MPV17L2: variants seen among roughly 807,000 people sequenced by gnomAD.
The protein encoded by MPV17L2 is mpv17-like protein 2.
In MPV17L2, 25 loss-of-function variants were observed where a neutral mutation model predicts 24.2. That is an observed-to-expected ratio of 1.03 (90% CI 0.75 to 1.44). The LOEUF is 1.44. MPV17L2 is among the 40% of genes most tolerant of loss of function. The pLI is 0.00. For missense variants in MPV17L2, 271 were observed against 276.2 expected (o/e 0.98, Z 0.13); for synonymous variants, 130 against 121.4 (o/e 1.07, Z -0.46).
Position 18,195,017 on chromosome 19 carries a change from A to C in MPV17L2, c.495A>C (p.Gln165His). 1 of 1,613,668 alleles carries C rather than the reference A, an allele frequency of 6.2e-7. No homozygotes were observed. Among genetic ancestry groups the C allele is most frequent in the East Asian group, 2.2e-5 (1 of 44,856 alleles). The change falls in exon 4 of 5, where the codon CAA becomes CAC. Residue 165 changes from glutamine to histidine, a missense_variant. By Grantham distance (24) the Gln-to-His change is conservative. Transcript: ENST00000599612. ...TGAACTTCCTCTTCGTGCCCCCCCA[A>C]TTTCGAGTCACCTACATCAACGGCC... ...QFVNFLFVPPQFRVTYINGLT... is the reference protein window; with the variant it reads ...QFVNFLFVPPHFRVTYINGLT...
At position 18,194,999 on chromosome 19, in the gene MPV17L2, C is replaced by A. The variant is rs1448968553; in HGVS notation, c.477C>A (p.Phe159Leu). The A allele has an allele frequency of 6.2e-7, 1 of 1,612,960 alleles. No homozygotes were observed. Among genetic ancestry groups the A allele is most frequent in the African/African-American group, 1.3e-5 (1 of 74,914 alleles). The part of the protein sequence containing the change: ...CVWPAAQFVN[F>L]LFVPPQFRVT... ...GGCCTGCTGCGCAGTTCGTGAACTT[C>A]CTCTTCGTGCCCCCCCAATTTCGAG... Residue 159 changes from phenylalanine to leucine, a missense_variant, in exon 4 of 5, where the codon TTC (phenylalanine) becomes TTA (leucine). Physicochemically the swap from Phe to Leu is conservative, Grantham distance 22. Transcript: ENST00000599612.
At chr19:18,194,896 GA>G in intron 3 of MPV17L2, 43 bp downstream of exon 3, 1 of 1,588,866 alleles carries the variant, frequency 6.3e-7, no homozygotes. Context: ...CCCGCCCCCT[GA>G]TGGCCGCTCC....
intron 4 of MPV17L2, among the ~76,000 whole-genome samples, chr19:18,195,736 C>G (rs944726386): frequency 3.3e-5 from 5 of 152,122 alleles, no homozygotes; most frequent in Non-Finnish European, 7.4e-5. Context: ...ACTCCGGAAG[C>G]TGAGACCGGA....
Position 18,196,408 on chromosome 19 carries a change from A to C in MPV17L2, c.*353A>C. 2 of 1,314,786 alleles carry C rather than the reference A, an allele frequency of 1.5e-6. No homozygotes were observed. Among genetic ancestry groups the C allele is most frequent in the East Asian group, 4.9e-5 (1 of 20,356 alleles). The allele number at this position is 1,314,786 out of a possible 1,614,324, so 81.4% of individuals were successfully genotyped here. ...CACCTGGCTCTGGGCCAAGCCACCAATCCAGAGCTCCCTCAGGTCCTGGGA... is the reference window on the plus strand; with the variant it reads ...CACCTGGCTCTGGGCCAAGCCACCACTCCAGAGCTCCCTCAGGTCCTGGGA... On this transcript the variant is annotated 3_prime_UTR_variant, in exon 5 of 5. Coordinates refer to ENST00000599612, the MANE Select transcript of MPV17L2 (RefSeq NM_032683.3).
Position 18,196,047 on chromosome 19 carries a change from G to C in MPV17L2, c.613G>C (p.Ala205Pro), listed in dbSNP as rs1331572283. 1.2e-6 allele frequency: 2 copies of C among 1,614,002 alleles called. No individual in the cohort carries two copies. Among genetic ancestry groups the C allele is most frequent in the Non-Finnish European group, 1.7e-6 (2 of 1,179,992 alleles). ...PPGCVALDTRAD is the reference protein window; with the variant it reads ...PPGCVALDTRPD ...AGGCTGTGTGGCCCTGGACACCCGAGCAGACTGAACTGTCTGCTTCCTGGA... is the reference window on the plus strand; with the variant it reads ...AGGCTGTGTGGCCCTGGACACCCGACCAGACTGAACTGTCTGCTTCCTGGA... The change falls in exon 5 of 5, where the codon GCA becomes CCA. Residue 205 changes from alanine to proline, a missense_variant. Physicochemically the swap from Ala to Pro is conservative, Grantham distance 27. Coordinates refer to ENST00000599612, the MANE Select transcript of MPV17L2 (RefSeq NM_032683.3).
chr19:18,193,755 G>T, intron 1 of MPV17L2, 109 bp from the exon 2 acceptor site: 7 of 1,519,654 alleles, frequency 4.6e-6, no homozygotes, highest in Non-Finnish European at 6.2e-6. Context: ...GTGAGGCTGA[G>T]GCTCCGGGAT....
At position 18,196,459 on chromosome 19, in the gene MPV17L2, C is replaced by T; in HGVS notation, c.*404C>T. The T allele has an allele frequency of 7.7e-7, 1 of 1,295,470 alleles. No individual in the cohort carries two copies. The highest frequency in any genetic ancestry group is 1.0e-6 in the Non-Finnish European group (1 of 992,636). 80.2% of individuals were successfully genotyped at this position (1,295,470 alleles called of 1,614,324 possible). On this transcript the variant is annotated 3_prime_UTR_variant, in exon 5 of 5. Coordinates refer to ENST00000599612, the MANE Select transcript of MPV17L2 (RefSeq NM_032683.3). ...CTAAGGCGGGGACATGACTGATCCCCTCAGAGCAGGCTCAGGCCTGGAGTC... is the reference window on the plus strand; with the variant it reads ...CTAAGGCGGGGACATGACTGATCCCTTCAGAGCAGGCTCAGGCCTGGAGTC...
intron 4 of MPV17L2, among the ~76,000 whole-genome samples, chr19:18,195,576 G>A (rs1967501337): frequency 6.6e-6 from 1 of 151,418 alleles, no homozygotes; most frequent in African/African-American, 2.4e-5. Flanking sequence ...GCTCACGCCT[G>A]TAATCCCAGC....
In MPV17L2 at chr19:18,193,343, AG is replaced by A; in HGVS notation, c.65del (p.Gly22AlafsTer87). ...RLLSAGQLLF[Q>X]GRALLVTNTL... is the part of the protein sequence containing the mutation. ...TTATCCGCGGGGCAGCTTCTATTCC[AG>A]GGCCGCGCGCTGCTCGTCACTAACA... On this transcript the variant is annotated frameshift_variant, in exon 1 of 5. Coordinates refer to ENST00000599612, the MANE Select transcript of MPV17L2 (RefSeq NM_032683.3). LOFTEE classifies it high-confidence loss of function. 1 of 1,563,940 alleles carries A rather than the reference AG, an allele frequency of 6.4e-7. No individual in the cohort carries two copies. Among genetic ancestry groups the A allele is most frequent in the Non-Finnish European group, 8.6e-7 (1 of 1,160,570 alleles).
intron 2 of MPV17L2, among the ~76,000 whole-genome samples, 182 bp from the exon 3 acceptor site, chr19:18,194,595 G>T (rs556765638): frequency 7.9e-4 from 120 of 152,186 alleles, no homozygotes; most frequent in African/African-American, 2.7e-3. Context: ...GCTCTGTTTT[G>T]TCTCTACACC....
In MPV17L2 at chr19:18,195,115, A is replaced by AG. The variant is rs1323911122; in HGVS notation, c.564+33dup. 13 of 1,609,544 alleles carry AG rather than the reference A, an allele frequency of 8.1e-6. No individual in the cohort carries two copies. In the Admixed American group the frequency reaches 1.2e-4, roughly 15 times the overall value. On this transcript the variant is annotated intron_variant, in intron 4 of 4. Coordinates refer to ENST00000599612, the MANE Select transcript of MPV17L2 (RefSeq NM_032683.3). ...AGTGTGGAGGGCATACCAGGCACCC[A>AG]GGGGACTCCCCAGGGGGCTACACGT...
At chr19:18,195,303 T>G (rs983220094) in intron 4 of MPV17L2, among the ~76,000 whole-genome samples, 1 of 152,070 alleles carries the variant, frequency 6.6e-6, no homozygotes, top group African/African-American at 2.4e-5. Context: ...CCCAGCACTT[T>G]GGGAGGCCGA....
rs779548966 is a variant in MPV17L2, at chr19:18,196,124, T to C, written c.*69T>C. 30 of 1,611,430 alleles carry C rather than the reference T, an allele frequency of 1.9e-5. No individual in the cohort carries two copies. Among genetic ancestry groups the C allele is most frequent in the Non-Finnish European group, 2.5e-5 (30 of 1,179,454 alleles). On this transcript the variant is annotated 3_prime_UTR_variant, in exon 5 of 5. Coordinates refer to ENST00000599612, the MANE Select transcript of MPV17L2 (RefSeq NM_032683.3). The stretch of plus-strand genomic sequence containing the variant: ...ACCACCCCCTCTGACAGAAGGGGAA[T>C]GGGCTCCTGCAGCAAGCTCGGGTCT...
Position 18,196,613 on chromosome 19 carries a change from C to G in MPV17L2, c.*558C>G, listed in dbSNP as rs910238738. ...TGCTGGCTGGGCGCAGTGGCTCCCA[C>G]CTGTAATCTCAGCCCTTCCCGAGGC... On this transcript the variant is annotated 3_prime_UTR_variant, in exon 5 of 5. Transcript: ENST00000599612. The G allele has an allele frequency of 1.2e-5, 5 of 420,378 alleles. No homozygotes were observed. Among genetic ancestry groups the G allele is most frequent in the Non-Finnish European group, 2.1e-5 (5 of 239,134 alleles). The allele number at this position is 420,378 out of a possible 1,614,324, so 26.0% of individuals were successfully genotyped here. A position where few individuals can be genotyped will look rare whatever the true frequency, so the allele number is the denominator to read the frequency against.
rs2147975376 is a variant in MPV17L2 at position 18,193,271 on chromosome 19, T to C, written c.-11T>C. ...CAGAGCGGCGCGCCGGTTCCTTGGT[T>C]CCTGAGGGCGATGGCGCGGGGTGGC... On this transcript the variant is annotated 5_prime_UTR_variant, in exon 1 of 5. Coordinates refer to ENST00000599612, the MANE Select transcript of MPV17L2 (RefSeq NM_032683.3). The C allele has an allele frequency of 1.3e-6, 2 of 1,508,272 alleles. No homozygotes were observed. Among genetic ancestry groups the C allele is most frequent in the African/African-American group, 1.4e-5 (1 of 69,354 alleles). 93.4% of individuals were successfully genotyped at this position (1,508,272 alleles called of 1,614,324 possible).
chr19:18,194,003 C>G lies in MPV17L2; in HGVS notation c.327C>G (p.Ala109=). The G allele has an allele frequency of 1.9e-6, 3 of 1,614,208 alleles. No homozygotes were observed. The highest frequency in any genetic ancestry group is 2.5e-6 in the Non-Finnish European group (3 of 1,180,028). The change falls in exon 2 of 5, where the codon GCC becomes GCG. Residue 109 remains alanine (A), a synonymous_variant. Coordinates refer to ENST00000599612, the MANE Select transcript of MPV17L2 (RefSeq NM_032683.3). ...AGGTCCTCGTGGATCAGCTGGTAGC[C>G]TCTCCATTGCTGGGCGTCTGGTACT... The part of the protein sequence containing the change: ...LKKVLVDQLV[A]SPLLGVWYFL...
rs1414460109 is a variant in MPV17L2 at position 18,194,985 on chromosome 19, C to A, written c.463C>A (p.Gln155Lys). The A allele has an allele frequency of 6.2e-7, 1 of 1,613,900 alleles. No homozygotes were observed. The highest frequency in any genetic ancestry group is 1.7e-5 in the Admixed American group (1 of 60,010). The change falls in exon 4 of 5, where the codon CAG (glutamine) becomes AAG (lysine). Residue 155 changes from glutamine to lysine, a missense_variant. Transcript: ENST00000599612. ...KADWCVWPAAQFVNFLFVPPQ... is the reference protein window; with the variant it reads ...KADWCVWPAAKFVNFLFVPPQ... ...AGACTGGTGCGTGTGGCCTGCTGCG[C>A]AGTTCGTGAACTTCCTCTTCGTGCC...
chr19:18,196,187 T>G lies in MPV17L2; in HGVS notation c.*132T>G. ...CAGCACCACTTCAGCTCCGGAGCAT[T>G]GGGCTGAGCCGCCCTTTCCAAGCTC... On this transcript the variant is annotated 3_prime_UTR_variant, in exon 5 of 5. Coordinates refer to ENST00000599612, the MANE Select transcript of MPV17L2 (RefSeq NM_032683.3). The G allele has an allele frequency of 6.4e-7, 1 of 1,552,598 alleles. No homozygotes were observed. Among genetic ancestry groups the G allele is most frequent in the African/African-American group, 1.4e-5 (1 of 73,886 alleles).
chr19:18,193,844 C>T lies in MPV17L2; in HGVS notation c.188-20C>T, dbSNP rs780977749. ...GGAACTTGCCGGCCCGACCCAGCCCCCTGACTTACACTCTTATAGCGAGCA... is the reference window on the plus strand; with the variant it reads ...GGAACTTGCCGGCCCGACCCAGCCCTCTGACTTACACTCTTATAGCGAGCA... On this transcript the variant is annotated intron_variant, in intron 1 of 4. Transcript: ENST00000599612. 6.2e-7 allele frequency: 1 copy of T among 1,611,444 alleles called. No homozygotes were observed. The highest frequency in any genetic ancestry group is 8.5e-7 in the Non-Finnish European group (1 of 1,177,898).
Sources: allele counts gnomAD v4.1 joint callset (sites outside exome capture counted in the v4.1 genomes callset), GRCh38; gene constraint gnomAD v4.1.1; transcripts MANE v1.5; gene names NCBI Gene and HGNC (gene_info 2026-07-23, HGNC 2026-07-21).